The following MAOB variants were observed in gnomAD, a reference collection of about 807,000 sequenced individuals.
MAOB encodes amine oxidase [flavin-containing] B.
MAOB carries 15 observed loss-of-function variants against 41.9 expected under a neutral mutation model. The ratio of observed to expected loss-of-function variants is 0.36; its 90% confidence interval spans 0.24 to 0.55. The LOEUF (loss-of-function observed/expected upper bound fraction) is 0.55. Ranked by LOEUF, MAOB falls within the 20% of genes least tolerant of loss-of-function variation. The pLI is 0.86. For synonymous variants in MAOB, 167 were observed against 144.2 expected (o/e 1.16, Z -1.13); for missense variants, 345 against 398.7 (o/e 0.87, Z 1.15).
rs1332221226 is a variant in MAOB at position 43,797,114 on chromosome X, T to C, written c.618+11A>G. On this transcript the variant is annotated intron_variant, in intron 6 of 14. Transcript: ENST00000378069. ...TTTTTCCATTGGGACTGTGGAAGAA[T>C]GGATGGGTACCTGTCCTCCATTTGT... 2 of 1,198,633 alleles carry C rather than the reference T, an allele frequency of 1.7e-6. No individual in the cohort carries two copies. Among genetic ancestry groups the C allele is most frequent in the East Asian group, 3.0e-5 (1 of 33,566 alleles).
rs190805414 is a variant in MAOB, at chrX:43,870,712, A to G, written c.46+11542T>C. Among the ~76,000 whole-genome samples, 1,317 of 101,987 alleles carry G rather than the reference A, an allele frequency of 0.013. 40 individuals are homozygous for G. In the South Asian group the frequency reaches 0.17, roughly 13 times the overall value. The allele number at this position is 101,987 out of a possible 115,157, so 88.6% of individuals were successfully genotyped here. ...TGGGAGGCTGAGGCAGGAGAATGGC[A>G]TGAACCCGGGAGGCGGAGCTTGCAG... is the stretch of plus-strand genomic sequence containing the variant. On this transcript the variant is annotated intron_variant, in intron 1 of 14. Transcript: ENST00000378069.
At chrX:43,851,283 A>C (rs189877113) in intron 1 of MAOB, among the ~76,000 whole-genome samples, 1 of 111,823 alleles carries the variant, frequency 8.9e-6, no homozygotes, top group African/African-American at 3.2e-5. Flanking sequence ...ACTCTCAAGA[A>C]ATTTTTTTTT....
At chrX:43,825,720 A>G (rs887687064) in intron 3 of MAOB, among the ~76,000 whole-genome samples, 4 of 112,492 alleles carry the variant, frequency 3.6e-5, no homozygotes, top group Non-Finnish European at 7.5e-5. Context: ...GGGAAAAGCA[A>G]TAAGATTTTG....
Position 43,795,725 on chromosome X carries a change from A to T in MAOB, c.768+14T>A, listed in dbSNP as rs186680080. On this transcript the variant is annotated intron_variant, in intron 7 of 14. Transcript: ENST00000378069. The stretch of plus-strand genomic sequence containing the variant: ...GATGAAGATCAAATATATATTTCAC[A>T]ATATCACAGTTACCTCATACATCTC... The T allele has an allele frequency of 6.3e-4, 733 of 1,166,634 alleles. 4 individuals are homozygous for T. The East Asian group carries it at 0.018, about 29-fold the overall frequency.
chrX:43,840,901 T>G (rs1419192302), intron 2 of MAOB, among the ~76,000 whole-genome samples: 1 of 107,252 alleles, frequency 9.3e-6, no homozygotes, highest in Non-Finnish European at 1.9e-5. Context: ...GAGTTTTTTT[T>G]TTTTTTTTTT....
In MAOB at chrX:43,781,468, G is replaced by T. The variant is rs777876569; in HGVS notation, c.1005C>A (p.Gly335=). The change falls in exon 9 of 15, where the codon GGC becomes GGA. Residue 335 remains glycine (G), a synonymous_variant. Coordinates refer to ENST00000378069, the MANE Select transcript of MAOB (RefSeq NM_000898.5). ...CTTACCCCATTATGGCAGCATAGTTGCCTTCAGGTTTGGTATCATCCAACG... is the reference window on the plus strand; with the variant it reads ...CTTACCCCATTATGGCAGCATAGTTTCCTTCAGGTTTGGTATCATCCAACG... ...AYTLDDTKPE[G]NYAAIMGFIL... 1 of 1,190,964 alleles carries T rather than the reference G, an allele frequency of 8.4e-7. No individual in the cohort carries two copies. The highest frequency in any genetic ancestry group is 2.2e-5 in the Admixed American group (1 of 44,504).
chrX:43,780,460 G>T, intron 9 of MAOB, 65 bp from the exon 10 acceptor site: 1 of 835,000 alleles, frequency 1.2e-6, no homozygotes, highest in Non-Finnish European at 1.8e-6. Context: ...CCTCATTTTC[G>T]TAGCTACACA....
At chrX:43,823,251 C>T (rs932582513) in intron 3 of MAOB, among the ~76,000 whole-genome samples, 7 of 100,622 alleles carry the variant, frequency 7.0e-5, no homozygotes, top group Non-Finnish European at 1.2e-4. Context: ...TGGCTCACTG[C>T]AACATCCACC....
intron 3 of MAOB, among the ~76,000 whole-genome samples, chrX:43,822,118 C>A (rs2034889760): frequency 8.9e-6 from 1 of 112,296 alleles, no homozygotes; most frequent in East Asian, 2.8e-4. Flanking sequence ...AATAACTCAT[C>A]CAGTACCAAA....
At chrX:43,826,130 G>C (rs769099836) in intron 3 of MAOB, among the ~76,000 whole-genome samples, 16 of 112,163 alleles carry the variant, frequency 1.4e-4, no homozygotes, top group Non-Finnish European at 2.4e-4. Flanking sequence ...TGTTTTGTTT[G>C]CTTCTGTATC....
intron 1 of MAOB, among the ~76,000 whole-genome samples, chrX:43,861,085 T>A (rs1244433373): frequency 8.9e-6 from 1 of 112,492 alleles, no homozygotes; most frequent in Non-Finnish European, 1.9e-5. Flanking sequence ...CATTTGGTAA[T>A]TTATTATGTG....
chrX:43,880,629 T>G (rs1167941822), intron 1 of MAOB, among the ~76,000 whole-genome samples: 1 of 112,560 alleles, frequency 8.9e-6, no homozygotes, highest in Non-Finnish European at 1.9e-5. Context: ...GTACCTTGTT[T>G]TGATCAGAGT....
At chrX:43,801,054 AT>A (rs200590708) in intron 5 of MAOB, among the ~76,000 whole-genome samples, 2,198 of 109,783 alleles carry the variant, frequency 0.02, 62 homozygotes, top group South Asian at 0.18. Flanking sequence ...TTTAAAAATA[AT>A]GCTTTGAATC....
chrX:43,857,391 G>T (rs1319971780), intron 1 of MAOB, among the ~76,000 whole-genome samples: 2 of 108,421 alleles, frequency 1.8e-5, no homozygotes, highest in Non-Finnish European at 3.8e-5. Context: ...TGTTGGTCAG[G>T]CTGGTCTTAA....
chrX:43,817,653 G>T (rs898516981), intron 3 of MAOB, among the ~76,000 whole-genome samples: 1 of 111,357 alleles, frequency 9.0e-6, no homozygotes, highest in Admixed American at 9.6e-5. Flanking sequence ...CACGGCTTTT[G>T]TACTTCTCTT....
intron 9 of MAOB, among the ~76,000 whole-genome samples, chrX:43,780,879 G>C (rs1026223339): frequency 4.5e-5 from 5 of 111,672 alleles, no homozygotes; most frequent in African/African-American, 1.6e-4. Context: ...TCTCTGTTCT[G>C]ACTGTTGGCT....
chrX:43,866,999 G>T (rs1046081289), intron 1 of MAOB, among the ~76,000 whole-genome samples: 1 of 112,624 alleles, frequency 8.9e-6, no homozygotes, highest in African/African-American at 3.2e-5. Context: ...CTGCTTTTCG[G>T]GGGGCATTAG....
At chrX:43,812,456 C>T (rs1368370549) in intron 3 of MAOB, among the ~76,000 whole-genome samples, 1 of 111,802 alleles carries the variant, frequency 8.9e-6, no homozygotes, top group Non-Finnish European at 1.9e-5. Context: ...CTTTACATTC[C>T]CACCAACAAT....
At chrX:43,830,687 T>C (rs2035008950) in intron 3 of MAOB, among the ~76,000 whole-genome samples, 1 of 111,882 alleles carries the variant, frequency 8.9e-6, no homozygotes, top group Non-Finnish European at 1.9e-5. Context: ...TAAAGCTTCA[T>C]CTTACCTGGT....
Sources: allele counts gnomAD v4.1 joint callset (sites outside exome capture counted in the v4.1 genomes callset), GRCh38; gene constraint gnomAD v4.1.1; transcripts MANE v1.5; gene names NCBI Gene and HGNC (gene_info 2026-07-23, HGNC 2026-07-21).